The following GPC5 variants were observed in gnomAD, a reference collection of about 807,000 sequenced individuals.
The protein encoded by GPC5 is glypican 5.
A neutral mutation model predicts 53.9 loss-of-function variants in GPC5; 47 were observed. The observed-to-expected ratio is 0.87, with a 90% confidence interval of 0.69 to 1.11. The LOEUF is 1.11. Ranked by LOEUF, GPC5 falls within the 50% of genes most tolerant of loss-of-function variation. The pLI, the probability that GPC5 is intolerant of heterozygous loss-of-function variation, is 0.00. For missense variants in GPC5, 748 were observed against 713.1 expected (o/e 1.05, Z -0.56); for synonymous variants, 286 against 263.3 (o/e 1.09, Z -0.84).
intron 7 of GPC5, among the ~76,000 whole-genome samples, chr13:92,387,225 G>T (rs1874773743): frequency 1.3e-5 from 2 of 152,030 alleles, no homozygotes; most frequent in Admixed American, 6.6e-5. Flanking sequence ...TATTTAATAA[G>T]TTACATGAGA....
At chr13:91,572,549 A>AGGGGTG (rs1384076391) in intron 2 of GPC5, among the ~76,000 whole-genome samples, 15 of 152,072 alleles carry the variant, frequency 9.9e-5, no homozygotes, top group African/African-American at 3.6e-4. Flanking sequence ...GAGAGTGAGC[A>AGGGGTG]AGAGAGGGGA....
chr13:92,548,639 G>A (rs1387956051), intron 7 of GPC5, among the ~76,000 whole-genome samples: 2 of 152,052 alleles, frequency 1.3e-5, no homozygotes, highest in East Asian at 3.9e-4. Context: ...ATTTTTACGT[G>A]AAAAAGTGAA....
chr13:91,979,942 A>G (rs1306318806), intron 6 of GPC5, among the ~76,000 whole-genome samples: 2 of 152,218 alleles, frequency 1.3e-5, no homozygotes, highest in Admixed American at 6.5e-5. Context: ...ACACTTTGCT[A>G]CTTTCAAGAG....
At chr13:91,904,143 T>TTC (rs1555295774) in intron 5 of GPC5, among the ~76,000 whole-genome samples, 8 of 142,684 alleles carry the variant, frequency 5.6e-5, no homozygotes, top group African/African-American at 1.8e-4. Context: ...TTTCTTTCTT[T>TTC]TTTTTTTTTT....
intron 7 of GPC5, among the ~76,000 whole-genome samples, chr13:92,746,722 A>G (rs1227027155): frequency 6.6e-6 from 1 of 152,140 alleles, no homozygotes; most frequent in Non-Finnish European, 1.5e-5. Context: ...TGTGGGTAAC[A>G]TTCATGTAAA....
intron 7 of GPC5, among the ~76,000 whole-genome samples, chr13:92,349,955 C>T (rs914459635): frequency 5.3e-5 from 8 of 152,112 alleles, no homozygotes; most frequent in Non-Finnish European, 7.4e-5. Flanking sequence ...AGGCCAATAT[C>T]CTTGATGAAC....
chr13:92,301,102 G>T (rs990942012), intron 7 of GPC5, among the ~76,000 whole-genome samples: 1 of 152,174 alleles, frequency 6.6e-6, no homozygotes, highest in Non-Finnish European at 1.5e-5. Flanking sequence ...TAACATCAAT[G>T]AAATAAAATT....
intron 2 of GPC5, among the ~76,000 whole-genome samples, chr13:91,451,955 T>C (rs1881208412): frequency 6.6e-6 from 1 of 151,906 alleles, no homozygotes; most frequent in Non-Finnish European, 1.5e-5. Context: ...AAAAATCTGC[T>C]TTTATTTATT....
intron 7 of GPC5, among the ~76,000 whole-genome samples, chr13:92,491,957 C>T (rs1452775905): frequency 6.6e-6 from 1 of 152,036 alleles, no homozygotes; most frequent in African/African-American, 2.4e-5. Context: ...CAGAATCATT[C>T]TTTCTTCAGC....
chr13:92,207,198 C>T (rs1422545015), intron 7 of GPC5, among the ~76,000 whole-genome samples: 1 of 152,162 alleles, frequency 6.6e-6, no homozygotes, highest in Non-Finnish European at 1.5e-5. Context: ...CTTTCCTTTC[C>T]CATTCATATA....
At chr13:92,452,777 C>G (rs1878116068) in intron 7 of GPC5, among the ~76,000 whole-genome samples, 1 of 152,116 alleles carries the variant, frequency 6.6e-6, no homozygotes, top group Non-Finnish European at 1.5e-5. Flanking sequence ...CCGTGTTGCC[C>G]AGGCTGGTCT....
chr13:92,169,785 A>G (rs922819043), intron 7 of GPC5, among the ~76,000 whole-genome samples: 1 of 152,166 alleles, frequency 6.6e-6, no homozygotes, highest in Non-Finnish European at 1.5e-5. Flanking sequence ...TTGAGACAGC[A>G]TAGGTGTTCT....
chr13:92,449,200 G>A (rs1365513470), intron 7 of GPC5: 1 of 152,094 alleles, frequency 6.6e-6, no homozygotes, highest in Non-Finnish European at 1.5e-5. Context: ...TTGAACAAAA[G>A]AAACGATGAT....
At chr13:91,920,176 C>A (rs779169654) in intron 6 of GPC5, among the ~76,000 whole-genome samples, 36 of 151,858 alleles carry the variant, frequency 2.4e-4, no homozygotes, top group Non-Finnish European at 4.1e-4. Context: ...AGGAAATACC[C>A]CAAACCTATA....
chr13:92,145,493 A>G (rs1475632042), intron 7 of GPC5, among the ~76,000 whole-genome samples: 1 of 152,014 alleles, frequency 6.6e-6, no homozygotes, highest in African/African-American at 2.4e-5. Flanking sequence ...AAAAAAAAAA[A>G]CTCACTAAAC....
At chr13:92,682,265 C>T (rs1887134431) in intron 7 of GPC5, among the ~76,000 whole-genome samples, 2 of 152,238 alleles carry the variant, frequency 1.3e-5, no homozygotes, top group Admixed American at 1.3e-4. Flanking sequence ...GCAATAAATT[C>T]AGTGTCTTCT....
chr13:92,008,208 G>A (rs9583988), intron 6 of GPC5, among the ~76,000 whole-genome samples: 49 of 151,850 alleles, frequency 3.2e-4, no homozygotes, highest in Admixed American at 1.0e-3. Flanking sequence ...GACTACAGGC[G>A]CCCGCTACCA....
At chr13:92,088,426 T>C (rs2041352942) in intron 6 of GPC5, among the ~76,000 whole-genome samples, 1 of 152,126 alleles carries the variant, frequency 6.6e-6, no homozygotes, top group Non-Finnish European at 1.5e-5. Context: ...GACCACAGCT[T>C]TGGCCCATCT....
chr13:92,797,587 C>A (rs1876730448), intron 7 of GPC5, among the ~76,000 whole-genome samples: 1 of 151,864 alleles, frequency 6.6e-6, no homozygotes, highest in African/African-American at 2.4e-5. Flanking sequence ...ACACTAAATA[C>A]AAATCTTTAA....
Sources: gnomAD v4.1 joint callset for allele counts (sites outside exome capture counted in the v4.1 genomes callset) on GRCh38, gnomAD v4.1.1 for gene constraint, MANE v1.5 for transcripts, NCBI Gene and HGNC (gene_info 2026-07-23, HGNC 2026-07-21) for gene names.